CHST7: variants seen among roughly 807,000 people sequenced by gnomAD.
The protein encoded by CHST7 is carbohydrate sulfotransferase 7, also known as N-acetylglucosamine 6-O-sulfotransferase 4.
A neutral mutation model predicts 9.0 loss-of-function variants in CHST7; 5 were observed. That is an observed-to-expected ratio of 0.56 (90% confidence interval 0.29 to 1.17). The LOEUF (loss-of-function observed/expected upper bound fraction) is 1.17, where lower values mean the gene tolerates loss of function less well. Among genes scored for constraint, CHST7 ranks in the 50% most tolerant of loss-of-function variants. The probability of loss-of-function intolerance (pLI) is 0.08; values close to 1 mark genes in which losing one functional copy is unlikely to be tolerated. For missense variants in CHST7, 377 were observed against 485.1 expected, an observed-to-expected ratio of 0.78 and a Z score of 2.09; for synonymous variants, 244 against 237.1, an observed-to-expected ratio of 1.03 and a Z score of -0.27.
chrX:46,591,445 G>A (rs1942572613), intron 1 of CHST7, among the ~76,000 whole-genome samples: 1 of 111,251 alleles, frequency 9.0e-6, no homozygotes, highest in Admixed American at 9.5e-5. Flanking sequence ...TGCGATCTCG[G>A]CTCGCTGCAA....
intron 1 of CHST7, among the ~76,000 whole-genome samples, chrX:46,595,363 ATCT>A (rs1370454993): frequency 8.9e-6 from 1 of 112,338 alleles, no homozygotes; most frequent in Non-Finnish European, 1.9e-5. Flanking sequence ...TCTTATTTAA[ATCT>A]TCTTTTTTAG....
chrX:46,579,575 CT>C (rs140937709), intron 1 of CHST7, among the ~76,000 whole-genome samples: 25,644 of 111,749 alleles, frequency 0.23, 2,675 homozygotes, highest in Middle Eastern at 0.37. Flanking sequence ...AGGAAGCTTT[CT>C]TTCTAAAGAA....
At chrX:46,591,416 G>C (rs369772147) in intron 1 of CHST7, among the ~76,000 whole-genome samples, 7 of 111,055 alleles carry the variant, frequency 6.3e-5, no homozygotes, top group African/African-American at 2.3e-4. Flanking sequence ...ACTCTGTCGC[G>C]CAGGTTGGAG....
chrX:46,573,841 C>A lies in CHST7; in HGVS notation c.-91C>A, dbSNP rs2146634376. On this transcript the variant is annotated 5_prime_UTR_variant, in exon 1 of 2. Coordinates refer to ENST00000276055, the MANE Select transcript of CHST7 (RefSeq NM_019886.4). Reference sequence around the variant, plus strand: ...CTCTGCTCCTCCCGGCGCAGAGGGGCCGGGAGAGGCCACAGGAGCGGACCT... The same window carrying A: ...CTCTGCTCCTCCCGGCGCAGAGGGGACGGGAGAGGCCACAGGAGCGGACCT... 2.7e-6 allele frequency: 3 copies of A among 1,123,047 alleles called. No homozygotes were observed. In the East Asian group the frequency reaches 1.0e-4, roughly 38 times the overall value. 92.6% of individuals were successfully genotyped at this position (1,123,047 alleles called of 1,213,427 possible).
At position 46,597,869 on chromosome X, in the gene CHST7, A is replaced by C. The variant is rs1305687039; in HGVS notation, c.*141A>C. ...GAGTCTGGGACTTGACTTGCTACCA[A>C]CAACTGCTGTGCAATTCTGCTGAGC... On this transcript the variant is annotated 3_prime_UTR_variant, in exon 2 of 2. Transcript: ENST00000276055. 1 of 113,312 alleles carries C rather than the reference A, an allele frequency of 8.8e-6. No homozygotes were observed. Among genetic ancestry groups the C allele is most frequent in the African/African-American group, 3.2e-5 (1 of 31,164 alleles). 9.3% of individuals were successfully genotyped at this position (113,312 alleles called of 1,213,427 possible).
Position 46,575,300 on chromosome X carries a change from C to T in CHST7, c.1369C>T (p.Leu457Phe). ...EAACAPAMRL[L>F]AYPRSGEEGD... Reference sequence around the variant, plus strand: ...CGCCTGCGCTCCAGCCATGCGTCTGCTCGCCTACCCTCGCAGCGGAGAGGA... The same window carrying T: ...CGCCTGCGCTCCAGCCATGCGTCTGTTCGCCTACCCTCGCAGCGGAGAGGA... The change falls in exon 1 of 2, where the codon CTC (leucine) becomes TTC (phenylalanine). Residue 457 changes from leucine (L) to phenylalanine (F), a missense_variant. Around this residue, in one of 3 missense-constraint regions of CHST7, gnomAD observed 130 missense variants for 134.9 expected, o/e 0.96. Coordinates refer to ENST00000276055, the MANE Select transcript of CHST7 (RefSeq NM_019886.4). 1 of 1,103,071 alleles carries T rather than the reference C, an allele frequency of 9.1e-7. No individual in the cohort carries two copies. Among genetic ancestry groups the T allele is most frequent in the Non-Finnish European group, 1.2e-6 (1 of 846,258 alleles). The allele number at this position is 1,103,071 out of a possible 1,213,427, so 90.9% of individuals were successfully genotyped here. A position where few individuals can be genotyped will look rare whatever the true frequency, so the allele number is the denominator to read the frequency against.
At chrX:46,591,416 G>A (rs369772147) in intron 1 of CHST7, among the ~76,000 whole-genome samples, 1 of 111,055 alleles carries the variant, frequency 9.0e-6, no homozygotes, top group Non-Finnish European at 1.9e-5. Context: ...ACTCTGTCGC[G>A]CAGGTTGGAG....
chrX:46,589,911 CCAG>C (rs1373879630), intron 1 of CHST7, among the ~76,000 whole-genome samples: 1 of 111,765 alleles, frequency 8.9e-6, no homozygotes, highest in Admixed American at 9.5e-5. Context: ...TTCAAATACC[CCAG>C]CAGCAGCCAG....
chrX:46,586,224 T>C (rs900844816), intron 1 of CHST7, among the ~76,000 whole-genome samples: 1 of 111,637 alleles, frequency 9.0e-6, no homozygotes, highest in African/African-American at 3.3e-5. Context: ...CACAAGACCA[T>C]GGACAAGAAA....
In CHST7 at chrX:46,574,308, A is replaced by G; in HGVS notation, c.377A>G (p.Asp126Gly). 1 of 1,210,363 alleles carries G rather than the reference A, an allele frequency of 8.3e-7. No individual in the cohort carries two copies. Among genetic ancestry groups the G allele is most frequent in the Non-Finnish European group, 1.1e-6 (1 of 894,913 alleles). The change falls in exon 1 of 2, where the codon GAC becomes GGC. Residue 126 changes from aspartate to glycine, a missense_variant. Physicochemically the swap from Asp to Gly is moderately conservative, Grantham distance 94. Around this residue, in one of 3 missense-constraint regions of CHST7, gnomAD observed 239 missense variants for 325.7 expected, o/e 0.73. Coordinates refer to ENST00000276055, the MANE Select transcript of CHST7 (RefSeq NM_019886.4). ...FLGELFNQHPDVFYLYEPMWH... is the reference protein window; with the variant it reads ...FLGELFNQHPGVFYLYEPMWH... ...GGCGAACTCTTTAACCAGCACCCGG[A>G]CGTTTTCTACTTGTATGAGCCCATG...
chrX:46,582,327 A>G lies in CHST7; in HGVS notation c.*31+6904A>G, dbSNP rs1942529321. On this transcript the variant is annotated intron_variant, in intron 1 of 1. Coordinates refer to ENST00000276055, the MANE Select transcript of CHST7 (RefSeq NM_019886.4). ...ATATAGCAAAAGGTATATGCTTTGT[A>G]CATTTTGAGAGGTAATGTTCTTCAA... is the stretch of plus-strand genomic sequence containing the variant. Among the ~76,000 whole-genome samples, 4 of 112,304 alleles carry G rather than the reference A, an allele frequency of 3.6e-5. 1 individual carries two copies. The highest frequency in any genetic ancestry group is 4.6e-3 in the Middle Eastern group (1 of 217).
chrX:46,597,736 C>T (rs762795893), intron 1 of CHST7, 24 bp from the exon 2 acceptor site: 3 of 113,008 alleles, frequency 2.7e-5, no homozygotes, highest in Non-Finnish European at 5.6e-5. Context: ...GAAGTTCAGA[C>T]GTCCTTTGTT....
At chrX:46,588,468 T>TA (rs781346177) in intron 1 of CHST7, among the ~76,000 whole-genome samples, 5 of 111,498 alleles carry the variant, frequency 4.5e-5, no homozygotes, top group Non-Finnish European at 9.4e-5. Flanking sequence ...ATTAAAATGC[T>TA]AAAAGCGCGT....
Position 46,574,138 on chromosome X carries a change from G to C in CHST7, c.207G>C (p.Ala69=), listed in dbSNP as rs1338651219. Reference sequence around the variant, plus strand: ...CGGCCGGCGAACGCGAGCAGGGAGCGGAGGCGCGGGCCGCCGAGGAAGGGG... The same window carrying C: ...CGGCCGGCGAACGCGAGCAGGGAGCCGAGGCGCGGGCCGCCGAGGAAGGGG... ...AAAAGEREQG[A]EARAAEEGGA... The change falls in exon 1 of 2, where the codon GCG becomes GCC. Residue 69 remains alanine (A), a synonymous_variant. Transcript: ENST00000276055. The C allele has an allele frequency of 8.6e-7, 1 of 1,163,470 alleles. No individual in the cohort carries two copies. The highest frequency in any genetic ancestry group is 1.8e-5 in the African/African-American group (1 of 55,989).
chrX:46,592,869 TG>T (rs895544963), intron 1 of CHST7, among the ~76,000 whole-genome samples: 1 of 108,241 alleles, frequency 9.2e-6, no homozygotes, highest in African/African-American at 3.4e-5. Flanking sequence ...ATGTATCTAG[TG>T]TTACACATTT....
chrX:46,594,440 T>C (rs529461274), intron 1 of CHST7, among the ~76,000 whole-genome samples: 1 of 108,309 alleles, frequency 9.2e-6, no homozygotes, highest in South Asian at 4.1e-4. Flanking sequence ...GGAATGAGAA[T>C]CATCTGAACC....
chrX:46,575,020 C>G lies in CHST7; in HGVS notation c.1089C>G (p.Pro363=), dbSNP rs1201259108. 2.7e-6 allele frequency: 3 copies of G among 1,128,883 alleles called. No homozygotes were observed. Among genetic ancestry groups the G allele is most frequent in the African/African-American group, 1.9e-5 (1 of 53,307 alleles). 93.0% of individuals were successfully genotyped at this position (1,128,883 alleles called of 1,213,427 possible). Residue 363 remains proline (P), a synonymous_variant, in exon 1 of 2, where the codon CCC becomes CCG. Transcript: ENST00000276055. ...LRDLLFARGA[P]AWLRRRYLRL... is the part of the protein sequence containing the mutation. ...ATCTGCTTTTCGCGCGCGGCGCGCC[C>G]GCCTGGCTGCGGCGCCGCTACCTGA... is the stretch of plus-strand genomic sequence containing the variant.
intron 1 of CHST7, among the ~76,000 whole-genome samples, chrX:46,586,001 T>C (rs1217672932): frequency 5.4e-5 from 6 of 111,826 alleles, no homozygotes; most frequent in African/African-American, 2.0e-4. Flanking sequence ...TGCCTCGGCC[T>C]CCCAAAGTGC....
At chrX:46,579,900 G>C (rs1602107918) in intron 1 of CHST7, among the ~76,000 whole-genome samples, 1 of 110,693 alleles carries the variant, frequency 9.0e-6, no homozygotes, top group South Asian at 3.8e-4. Flanking sequence ...GGTGAGGTAG[G>C]AGGATCGCTT....
Sources: gnomAD v4.1 joint callset for allele counts (sites outside exome capture counted in the v4.1 genomes callset) on GRCh38, gnomAD v4.1.1 for gene constraint, gnomAD v4.1.1 regional missense constraint, MANE v1.5 for transcripts, NCBI Gene and HGNC (gene_info 2026-07-23, HGNC 2026-07-21) for gene names.